The following KCNN1 variants were observed in gnomAD, a reference collection of about 807,000 sequenced individuals.
The protein encoded by KCNN1 is potassium calcium-activated channel subfamily N member 1, also known as small conductance calcium-activated potassium channel protein 1.
In KCNN1, 20 loss-of-function variants were observed where a neutral mutation model predicts 44.7. The observed-to-expected ratio is 0.45, with a 90% CI of 0.32 to 0.65. The LOEUF is 0.65. Ranked by LOEUF, KCNN1 falls within the 30% of genes least tolerant of loss-of-function variation. The pLI, the probability that KCNN1 is intolerant of heterozygous loss-of-function variation, is 0.05. For missense variants in KCNN1, 632 were observed against 785.3 expected, an observed-to-expected ratio of 0.80 and a Z score of 2.33; for synonymous variants, 324 against 341.7, an observed-to-expected ratio of 0.95 and a Z score of 0.57.
Position 17,993,343 on chromosome 19 carries a change from T to G in KCNN1, c.1308-147T>G. ...GGCTGTGTACTGGGAGGGAATAGAC[T>G]ACAGGGAATCGGCCTCCCAACTCCC... On this transcript the variant is annotated intron_variant, in intron 8 of 9. Transcript: ENST00000684775. The surrounding 1 kb of genome is among the most constrained non-coding windows in gnomAD (Gnocchi z 4.5). 2.8e-6 allele frequency: 2 copies of G among 707,600 alleles called. No individual in the cohort carries two copies. The highest frequency in any genetic ancestry group is 5.0e-6 in the Non-Finnish European group (2 of 396,618). 43.8% of individuals were successfully genotyped at this position (707,600 alleles called of 1,614,324 possible).
intron 2 of KCNN1, among the ~76,000 whole-genome samples, chr19:17,955,233 G>A (rs1024355226): frequency 3.4e-5 from 5 of 149,206 alleles, no homozygotes; most frequent in African/African-American, 1.2e-4. Context: ...CTAGGCGACA[G>A]AGCGAGACCC....
chr19:17,976,161 G>C (rs2032197234), intron 3 of KCNN1, among the ~76,000 whole-genome samples: 2 of 151,978 alleles, frequency 1.3e-5, no homozygotes, highest in Non-Finnish European at 1.5e-5. Flanking sequence ...ACAAAAATTA[G>C]CCAGGCATGA....
Position 17,993,762 on chromosome 19 carries a change from T to G in KCNN1, c.1377+203T>G, listed in dbSNP as rs1005478132. Among the ~76,000 whole-genome samples, 8 of 151,698 alleles carry G rather than the reference T, an allele frequency of 5.3e-5. No individual in the cohort carries two copies. Among genetic ancestry groups the G allele is most frequent in the Non-Finnish European group, 2.9e-5 (2 of 67,930 alleles). ...CGTCTCTACAAAAAAAATACAACAA[T>G]TAGCCAGGCGTGGTGGCGGGCGCCT... On this transcript the variant is annotated intron_variant, in intron 9 of 9. Transcript: ENST00000684775. The surrounding 1 kb of genome is among the most constrained non-coding windows in gnomAD (Gnocchi z 4.5).
Position 17,974,420 on chromosome 19 carries a change from G to A in KCNN1, c.402+130G>A. The A allele has an allele frequency of 4.8e-6, 5 of 1,050,374 alleles. No individual in the cohort carries two copies. The highest frequency in any genetic ancestry group is 1.6e-5 in the African/African-American group (1 of 61,392). 65.1% of individuals were successfully genotyped at this position (1,050,374 alleles called of 1,614,324 possible). A position where few individuals can be genotyped will look rare whatever the true frequency, so the allele number is the denominator to read the frequency against. ...TGTTAGGGGGCTCCCGGAGGTGAGG[G>A]CTCCCTGGCCTTCTGCATACCCACC... On this transcript the variant is annotated intron_variant, in intron 2 of 9. Coordinates refer to ENST00000684775, the MANE Select transcript of KCNN1 (RefSeq NM_001386974.1). This position sits in a 1 kb window ranked among gnomAD's most constrained non-coding sequence, Gnocchi z 7.3.
intron 1 of KCNN1, among the ~76,000 whole-genome samples, chr19:17,954,104 C>T (rs776966629): frequency 6.6e-6 from 1 of 152,120 alleles, no homozygotes; most frequent in Non-Finnish European, 1.5e-5. Context: ...AGCCCAGGGC[C>T]CCATTGGAGT....
chr19:17,993,566 G>A lies in KCNN1; in HGVS notation c.1377+7G>A, dbSNP rs756534086. On this transcript the variant is annotated splice_region_variant and intron_variant, in intron 9 of 9. Coordinates refer to ENST00000684775, the MANE Select transcript of KCNN1 (RefSeq NM_001386974.1). The surrounding 1 kb of genome is among the most constrained non-coding windows in gnomAD (Gnocchi z 4.5). ...GCTTACCGACCTAGCCAAGGTGAGT[G>A]GGTTGGGGCAGGGTGGGCCAGACAG... 2 of 1,609,188 alleles carry A rather than the reference G, an allele frequency of 1.2e-6. No individual in the cohort carries two copies. The highest frequency in any genetic ancestry group is 1.7e-6 in the Non-Finnish European group (2 of 1,175,788).
chr19:17,982,574 C>T, intron 4 of KCNN1: 1 of 985,396 alleles, frequency 1.0e-6, no homozygotes, highest in Non-Finnish European at 1.2e-6. Context: ...TTAGGGAAAA[C>T]ATGTGAGTCC....
upstream of KCNN1, among the ~76,000 whole-genome samples, chr19:17,966,133 C>T (rs776284928): frequency 5.9e-5 from 9 of 152,120 alleles, no homozygotes; most frequent in Non-Finnish European, 1.0e-4. Context: ...AAGACAGCCT[C>T]CCTCAGGAAT....
chr19:17,989,447 C>CA (rs907958754), intron 6 of KCNN1, among the ~76,000 whole-genome samples: 3 of 151,780 alleles, frequency 2.0e-5, no homozygotes, highest in African/African-American at 7.3e-5. Flanking sequence ...CACAGAGCCT[C>CA]AAAAAACAAA....
intron 9 of KCNN1, among the ~76,000 whole-genome samples, chr19:17,996,209 G>A (rs2032986752): frequency 6.6e-6 from 1 of 150,774 alleles, no homozygotes; most frequent in Non-Finnish European, 1.5e-5. Flanking sequence ...AGGAGGCTGA[G>A]GTGGGAGGAT....
At chr19:17,982,977 T>C (rs970166419) in intron 4 of KCNN1, among the ~76,000 whole-genome samples, 1 of 151,106 alleles carries the variant, frequency 6.6e-6, no homozygotes, top group Non-Finnish European at 1.5e-5. Context: ...GACGCGGAGG[T>C]TGCAGTGAGC....
chr19:17,984,628 A>G (rs2032532342), intron 4 of KCNN1, among the ~76,000 whole-genome samples: 1 of 152,170 alleles, frequency 6.6e-6, no homozygotes, highest in Non-Finnish European at 1.5e-5. Flanking sequence ...GCCCGCTAGC[A>G]TGGCCACAGG....
chr19:17,996,223 T>C (rs1231936943), intron 9 of KCNN1, among the ~76,000 whole-genome samples: 1 of 150,664 alleles, frequency 6.6e-6, no homozygotes. Context: ...GGAGGATCAC[T>C]TGAGCCTGGG....
upstream of KCNN1, among the ~76,000 whole-genome samples, chr19:17,964,579 G>A (rs2031754306): frequency 1.3e-5 from 2 of 152,184 alleles, no homozygotes; most frequent in South Asian, 2.1e-4. The surrounding 1 kb of genome is among the most constrained non-coding windows in gnomAD (Gnocchi z 4.3). Context: ...AGGCTTCTTG[G>A]GTCTCTTCCA....
chr19:17,986,608 T>G (rs2145957762), intron 5 of KCNN1, among the ~76,000 whole-genome samples: 1 of 152,298 alleles, frequency 6.6e-6, no homozygotes, highest in South Asian at 2.1e-4. Context: ...TTCCAGAGCC[T>G]TCTTTCTCTC....
chr19:17,962,350 G>C (rs2031701459), upstream of KCNN1, among the ~76,000 whole-genome samples: 1 of 152,206 alleles, frequency 6.6e-6, no homozygotes, highest in Non-Finnish European at 1.5e-5. Context: ...GGAGAACCGG[G>C]AAGGATCAGG....
intron 4 of KCNN1, among the ~76,000 whole-genome samples, chr19:17,984,239 G>A (rs1204022001): frequency 6.6e-6 from 1 of 152,008 alleles, no homozygotes; most frequent in East Asian, 1.9e-4. Flanking sequence ...GGAGGTGCCT[G>A]GAGTGGCATT....
Position 17,974,168 on chromosome 19 carries a change from G to A in KCNN1, c.280G>A (p.Gly94Ser). ...ACCCTCAAATGTGGGCCACCGCCTG[G>A]GCCACCGGCGGGCGCTCTTCGAGAA... is the stretch of plus-strand genomic sequence containing the variant. ...GKPSNVGHRL[G>S]HRRALFEKRK... The change falls in exon 2 of 10, where the codon GGC becomes AGC. Residue 94 changes from glycine to serine, a missense_variant. Gly to Ser is a moderately conservative substitution (Grantham distance 56, BLOSUM62 0). Transcript: ENST00000684775. The surrounding 1 kb of genome is among the most constrained non-coding windows in gnomAD (Gnocchi z 7.3). 1 of 1,613,650 alleles carries A rather than the reference G, an allele frequency of 6.2e-7. No homozygotes were observed. The highest frequency in any genetic ancestry group is 8.5e-7 in the Non-Finnish European group (1 of 1,179,888).
intron 1 of KCNN1, chr19:17,952,103 A>T (rs1439667873): frequency 6.6e-6 from 1 of 151,582 alleles, no homozygotes. Context: ...TTTAGAGGAG[A>T]CGCCTTGCGG....
Sources: allele counts gnomAD v4.1 joint callset (sites outside exome capture counted in the v4.1 genomes callset), GRCh38; gene constraint gnomAD v4.1.1; non-coding constraint Gnocchi (gnomAD v3.1); transcripts MANE v1.5; gene names NCBI Gene and HGNC (gene_info 2026-07-23, HGNC 2026-07-21).